CHAF1A: variants seen among roughly 807,000 people sequenced by gnomAD.
CHAF1A encodes CAF-1 subunit A.
A neutral mutation model predicts 93.2 loss-of-function variants in CHAF1A; 5 were observed. The observed-to-expected ratio is 0.05, with a 90% CI of 0.03 to 0.11. The LOEUF is 0.11. CHAF1A is among the 10% of genes least tolerant of loss of function. The pLI, the probability that CHAF1A is intolerant of heterozygous loss-of-function variation, is 1.00. For missense variants in CHAF1A, 1,102 were observed against 1,259.9 expected (o/e 0.87, Z 1.90); for synonymous variants, 504 against 510.3 (o/e 0.99, Z 0.17).
chr19:4,446,024 G>T, downstream of CHAF1A: 1 of 1,595,982 alleles, frequency 6.3e-7, no homozygotes. Context: ...TCGGGTCAGC[G>T]GTGCTCCTGC....
chr19:4,417,260 T>C (rs1381083686), intron 3 of CHAF1A, among the ~76,000 whole-genome samples: 1 of 151,690 alleles, frequency 6.6e-6, no homozygotes, highest in East Asian at 2.0e-4. Context: ...CATGAGCCAC[T>C]GTGCCCGTCT....
In CHAF1A at chr19:4,409,734, T is replaced by G; in HGVS notation, c.935T>G (p.Phe312Cys). ...PPKQHSSTSP[F>C]PTSTPLRRIT... The stretch of plus-strand genomic sequence containing the variant: ...AAGCAGCACAGCAGTACCAGTCCCT[T>G]CCCCACCTCCACGCCCCTCCGCAGA... Residue 312 changes from phenylalanine to cysteine, a missense_variant, in exon 3 of 15, where the codon TTC (phenylalanine) becomes TGC (cysteine). Phe to Cys is a radical substitution (Grantham distance 205). Transcript: ENST00000301280. 1 of 1,612,698 alleles carries G rather than the reference T, an allele frequency of 6.2e-7. No individual in the cohort carries two copies. Among genetic ancestry groups the G allele is most frequent in the Non-Finnish European group, 8.5e-7 (1 of 1,178,998 alleles).
chr19:4,418,277 G>A (rs781657365), intron 4 of CHAF1A, among the ~76,000 whole-genome samples: 1 of 152,058 alleles, frequency 6.6e-6, no homozygotes, highest in Non-Finnish European at 1.5e-5. Flanking sequence ...TGCTGAGTGA[G>A]TCCTAAGGTT....
chr19:4,414,369 C>T (rs1973861053), intron 3 of CHAF1A, among the ~76,000 whole-genome samples: 1 of 150,320 alleles, frequency 6.7e-6, no homozygotes, highest in South Asian at 2.1e-4. Context: ...CCACTGTGCT[C>T]CAGCCTGGGC....
chr19:4,448,234 G>A, downstream of CHAF1A: 4 of 1,257,378 alleles, frequency 3.2e-6, no homozygotes, highest in Non-Finnish European at 4.5e-6. Flanking sequence ...GTAATGAGGG[G>A]GCCAGAGGGG....
At chr19:4,405,464 C>G (rs1341199451) in intron 1 of CHAF1A, among the ~76,000 whole-genome samples, 2 of 151,916 alleles carry the variant, frequency 1.3e-5, no homozygotes, top group Non-Finnish European at 2.9e-5. Context: ...AAAAATTAGC[C>G]GAGAGTGGTG....
downstream of CHAF1A, chr19:4,445,241 G>A (rs1974480513): frequency 2.1e-6 from 1 of 482,586 alleles, no homozygotes; most frequent in Non-Finnish European, 3.7e-6. Context: ...CAGTTACCAA[G>A]CAGCTAGGGA....
At chr19:4,439,901 T>C (rs1468777401) in intron 13 of CHAF1A, among the ~76,000 whole-genome samples, 2 of 152,100 alleles carry the variant, frequency 1.3e-5, no homozygotes, top group African/African-American at 4.8e-5. Flanking sequence ...GAGCAAGATG[T>C]TTCTCCTGTG....
Position 4,429,623 on chromosome 19 carries a change from G to T in CHAF1A, c.1773+17G>T. 6.2e-7 allele frequency: 1 copy of T among 1,614,128 alleles called. No homozygotes were observed. The highest frequency in any genetic ancestry group is 8.5e-7 in the Non-Finnish European group (1 of 1,180,008). On this transcript the variant is annotated intron_variant, in intron 9 of 14. Coordinates refer to ENST00000301280, the MANE Select transcript of CHAF1A (RefSeq NM_005483.3). The stretch of plus-strand genomic sequence containing the variant: ...CAGGACACGGTGAGCTAGCCCCAGA[G>T]TGCCTCCGTCCCCGTACCTCCTCAC...
At chr19:4,450,681 C>T in the CHAF1A span, 3 of 138,180 alleles carry the variant, frequency 2.2e-5, no homozygotes, top group Admixed American at 8.1e-5. Flanking sequence ...ATGGTGTGAA[C>T]CTCGTAGGCG....
At position 4,430,743 on chromosome 19, in the gene CHAF1A, C is replaced by G. The variant is rs913786352; in HGVS notation, c.1947+102C>G. Reference sequence around the variant, plus strand: ...AGGGTGACGGGGGTCCCAGCCCAACCATACGAGATTTGGACTGCATTCCAA... The same window carrying G: ...AGGGTGACGGGGGTCCCAGCCCAACGATACGAGATTTGGACTGCATTCCAA... On this transcript the variant is annotated intron_variant, in intron 11 of 14. Transcript: ENST00000301280. 1.8e-5 allele frequency: 23 copies of G among 1,248,874 alleles called. No individual in the cohort carries two copies. In the African/African-American group the frequency reaches 3.1e-4, roughly 17 times the overall value. 77.4% of individuals were successfully genotyped at this position (1,248,874 alleles called of 1,614,324 possible). A position where few individuals can be genotyped will look rare whatever the true frequency, so the allele number is the denominator to read the frequency against.
intron 3 of CHAF1A, among the ~76,000 whole-genome samples, chr19:4,413,696 G>A (rs560108809): frequency 9.9e-5 from 15 of 152,194 alleles, no homozygotes; most frequent in Non-Finnish European, 1.6e-4. Context: ...AAGAAAATGG[G>A]AGTTTGTTCC....
chr19:4,438,013 T>C (rs1300698546), intron 13 of CHAF1A, among the ~76,000 whole-genome samples: 1 of 152,142 alleles, frequency 6.6e-6, no homozygotes, highest in African/African-American at 2.4e-5. Flanking sequence ...AGTGCTAGGA[T>C]TACAGGCGTG....
intron 13 of CHAF1A, among the ~76,000 whole-genome samples, chr19:4,435,808 C>A (rs1024775235): frequency 6.6e-6 from 1 of 152,192 alleles, no homozygotes; most frequent in African/African-American, 2.4e-5. Flanking sequence ...CAGTGGATAA[C>A]CCCCGGCCCC....
rs372928116 is a variant in CHAF1A at position 4,443,391 on chromosome 19, G to C, written c.*366G>C. The C allele has an allele frequency of 6.6e-5, 16 of 241,836 alleles. No homozygotes were observed. The highest frequency in any genetic ancestry group is 5.3e-4 in the East Asian group (4 of 7,596). 15.0% of individuals were successfully genotyped at this position (241,836 alleles called of 1,614,324 possible). On this transcript the variant is annotated 3_prime_UTR_variant, in exon 15 of 15. Transcript: ENST00000301280. ...AGGCAGTGTATAAACTTATTCTCTA[G>C]CCCTGAGCTGCTCTGTCTGTCTTTT... is the stretch of plus-strand genomic sequence containing the variant.
intron 3 of CHAF1A, among the ~76,000 whole-genome samples, chr19:4,413,745 G>A (rs1463256288): frequency 4.6e-5 from 7 of 152,186 alleles, no homozygotes. Context: ...GAGCTTCATG[G>A]CGTGTTTTTG....
chr19:4,430,531 T>G lies in CHAF1A; in HGVS notation c.1855-18T>G, dbSNP rs1213816599. 1 of 1,536,226 alleles carries G rather than the reference T, an allele frequency of 6.5e-7. No homozygotes were observed. The highest frequency in any genetic ancestry group is 2.2e-5 in the East Asian group (1 of 44,482). On this transcript the variant is annotated intron_variant, in intron 10 of 14. Coordinates refer to ENST00000301280, the MANE Select transcript of CHAF1A (RefSeq NM_005483.3). Reference sequence around the variant, plus strand: ...TGCTTTTCTATCTGATGAACTCTTTTTTTTTTCTCCTTTTGAGGATGATGA... The same window carrying G: ...TGCTTTTCTATCTGATGAACTCTTTGTTTTTTCTCCTTTTGAGGATGATGA...
At chr19:4,444,745 A>C (rs78869060), downstream of CHAF1A, 2 of 152,216 alleles carry the variant, frequency 1.3e-5, no homozygotes, top group Non-Finnish European at 1.5e-5. Flanking sequence ...CCCTCTGGCC[A>C]CAGGGAAGCC....
intron 13 of CHAF1A, among the ~76,000 whole-genome samples, chr19:4,438,139 G>A (rs577987837): frequency 6.6e-6 from 1 of 152,182 alleles, no homozygotes; most frequent in Non-Finnish European, 1.5e-5. Context: ...CTCATGTCAC[G>A]GGGGTTTGGT....
Sources: gnomAD v4.1 joint callset for allele counts (sites outside exome capture counted in the v4.1 genomes callset) on GRCh38, gnomAD v4.1.1 for gene constraint, MANE v1.5 for transcripts, NCBI Gene and HGNC (gene_info 2026-07-23, HGNC 2026-07-21) for gene names.